Variants in FAT3 observed in about 807,000 individuals in gnomAD.
FAT3 encodes protocadherin Fat 3.
In FAT3, 95 loss-of-function variants were observed where a neutral mutation model predicts 310.2. That is an observed-to-expected ratio of 0.31 (90% CI 0.26 to 0.36). FAT3 has a LOEUF of 0.36. FAT3 is among the 10% of genes least tolerant of loss of function. The probability of loss-of-function intolerance (pLI) is 1.00; values close to 1 mark genes in which losing one functional copy is unlikely to be tolerated. For synonymous variants in FAT3, 2,314 were observed against 2,192.9 expected (o/e 1.06, Z -1.54); for missense variants, 5,408 against 5,715.6 (o/e 0.95, Z 1.74).
At chr11:92,739,975 T>G (rs1032940198) in intron 4 of FAT3, among the ~76,000 whole-genome samples, 1 of 152,152 alleles carries the variant, frequency 6.6e-6, no homozygotes, top group Non-Finnish European at 1.5e-5. Context: ...CTGAGAACGT[T>G]CTGGGAGAAA....
chr11:92,459,608 T>A (rs1476616080), intron 2 of FAT3, among the ~76,000 whole-genome samples: 3 of 152,162 alleles, frequency 2.0e-5, no homozygotes, highest in Non-Finnish European at 4.4e-5. Context: ...TTTGGAAGTA[T>A]TTGATGATAG....
intron 1 of FAT3, among the ~76,000 whole-genome samples, chr11:92,233,802 TTAGA>T (rs2134235091): frequency 6.6e-6 from 1 of 152,358 alleles, no homozygotes; most frequent in African/African-American, 2.4e-5. Flanking sequence ...TATACGATAA[TTAGA>T]TAATCTTCTT....
intron 1 of FAT3, among the ~76,000 whole-genome samples, chr11:92,298,954 G>A (rs1946922258): frequency 2.0e-5 from 3 of 152,022 alleles, no homozygotes; most frequent in Admixed American, 2.0e-4. Flanking sequence ...TCTAATCTGA[G>A]TGCCCTGTGT....
intron 1 of FAT3, among the ~76,000 whole-genome samples, chr11:92,342,580 CT>C (rs888437691): frequency 1.3e-5 from 2 of 151,994 alleles, no homozygotes; most frequent in African/African-American, 4.8e-5. Flanking sequence ...TCTCCAAGCA[CT>C]TTTTTTTCTG....
At chr11:92,886,004 A>G (rs1314599716) in intron 24 of FAT3, among the ~76,000 whole-genome samples, 2 of 152,172 alleles carry the variant, frequency 1.3e-5, no homozygotes, top group East Asian at 3.9e-4. Flanking sequence ...GGCCACGGAG[A>G]GGAACAAATG....
At chr11:92,274,177 T>A (rs1378307227) in intron 1 of FAT3, among the ~76,000 whole-genome samples, 1 of 152,142 alleles carries the variant, frequency 6.6e-6, no homozygotes, top group African/African-American at 2.4e-5. Flanking sequence ...TTTTCTTCTG[T>A]GTTCTTTCTT....
In FAT3 at chr11:92,472,811, C is replaced by T. The variant is rs1002239517; in HGVS notation, c.3293-51823C>T. ...ATTAGTATCCTGCGATTAAACCCTT[C>T]TGGAGACAGTAGGCAATGTTCAGCA... On this transcript the variant is annotated intron_variant, in intron 2 of 27. Transcript: ENST00000525166. Among the ~76,000 whole-genome samples, 4 of 152,310 alleles carry T rather than the reference C, an allele frequency of 2.6e-5. No homozygotes were observed. The East Asian group carries it at 5.8e-4, about 22-fold the overall frequency.
chr11:92,579,488 C>T (rs1938671121), intron 3 of FAT3, among the ~76,000 whole-genome samples: 1 of 151,998 alleles, frequency 6.6e-6, no homozygotes, highest in African/African-American at 2.4e-5. Flanking sequence ...GCCACCTTTC[C>T]ATCTCAGCAA....
intron 12 of FAT3, among the ~76,000 whole-genome samples, chr11:92,807,309 T>C (rs184915116): frequency 2.0e-5 from 3 of 152,158 alleles, no homozygotes; most frequent in Admixed American, 2.0e-4. Flanking sequence ...GTGCTCAGCA[T>C]GTCAAAGCAC....
chr11:92,388,984 C>T (rs761131217), intron 2 of FAT3, among the ~76,000 whole-genome samples: 1 of 152,150 alleles, frequency 6.6e-6, no homozygotes, highest in South Asian at 2.1e-4. Flanking sequence ...AGGCATAAGT[C>T]TTTTTCCTAT....
intron 2 of FAT3, among the ~76,000 whole-genome samples, chr11:92,488,005 A>C (rs1591357803): frequency 1.3e-5 from 2 of 152,308 alleles, no homozygotes; most frequent in East Asian, 3.9e-4. Context: ...GCAATAGAAA[A>C]TAGCAAAGGT....
intron 1 of FAT3, among the ~76,000 whole-genome samples, chr11:92,265,547 G>A (rs145179272): frequency 2.0e-5 from 3 of 151,872 alleles, no homozygotes; most frequent in Non-Finnish European, 2.9e-5. Flanking sequence ...AGAATCTGGG[G>A]GATTACTAAG....
At chr11:92,787,370 C>A (rs1946922088) in intron 7 of FAT3, among the ~76,000 whole-genome samples, 1 of 151,448 alleles carries the variant, frequency 6.6e-6, no homozygotes, top group African/African-American at 2.4e-5. Flanking sequence ...GACTTTGGTA[C>A]CTTTATATAT....
chr11:92,283,611 A>G (rs1946484987), intron 1 of FAT3, among the ~76,000 whole-genome samples: 1 of 152,072 alleles, frequency 6.6e-6, no homozygotes, highest in Admixed American at 6.6e-5. Context: ...TTCTAGTTTC[A>G]CCTTCAATTC....
At chr11:92,402,564 CACAAAAAAAT>C (rs1281138075) in intron 2 of FAT3, among the ~76,000 whole-genome samples, 2 of 151,308 alleles carry the variant, frequency 1.3e-5, no homozygotes, top group African/African-American at 4.9e-5. Context: ...ACCCTGTCTC[CACAAAAAAAT>C]ACAAAAAAAT....
chr11:92,536,623 T>G (rs1021646311), intron 3 of FAT3, among the ~76,000 whole-genome samples: 2 of 152,228 alleles, frequency 1.3e-5, no homozygotes, highest in African/African-American at 4.8e-5. Context: ...GGAATTTGTT[T>G]TAGCTAATTC....
intron 13 of FAT3, among the ~76,000 whole-genome samples, chr11:92,823,826 T>A (rs1273062259): frequency 1.3e-5 from 2 of 152,184 alleles, no homozygotes; most frequent in Non-Finnish European, 2.9e-5. Context: ...AAAACAGAAG[T>A]AATTAGGGAG....
chr11:92,495,592 A>G (rs117817607), intron 2 of FAT3, among the ~76,000 whole-genome samples: 3 of 152,068 alleles, frequency 2.0e-5, no homozygotes, highest in Admixed American at 6.6e-5. Flanking sequence ...ACACCTAGAA[A>G]GTTTTCAGAG....
At position 92,683,721 on chromosome 11, in the gene FAT3, A is replaced by G. The variant is rs141754399; in HGVS notation, c.3608-13663A>G. Among the ~76,000 whole-genome samples the G allele has an allele frequency of 2.8e-3, 419 of 152,270 alleles. 1 individual carries two copies. The highest frequency in any genetic ancestry group is 9.5e-3 in the African/African-American group (395 of 41,540). On this transcript the variant is annotated intron_variant, in intron 3 of 27. Transcript: ENST00000525166. ...TAGTACATATGATATTTTAAAACCT[A>G]AGCCCAAAATGGCCTATGAGACTAT...
Sources: allele counts gnomAD v4.1 joint callset (sites outside exome capture counted in the v4.1 genomes callset), GRCh38; gene constraint gnomAD v4.1.1; transcripts MANE v1.5; gene names NCBI Gene and HGNC (gene_info 2026-07-23, HGNC 2026-07-21).